The following RBPJ variants were observed in gnomAD, a reference collection of about 807,000 sequenced individuals.
The protein encoded by RBPJ is recombining binding protein suppressor of hairless.
In RBPJ, 9 loss-of-function variants were observed where a neutral mutation model predicts 67.8. The observed-to-expected ratio is 0.13, with a 90% CI of 0.08 to 0.23. The LOEUF (loss-of-function observed/expected upper bound fraction) is 0.23, where lower values mean the gene tolerates loss of function less well. RBPJ is among the 10% of genes least tolerant of loss of function. The pLI, the probability that RBPJ is intolerant of heterozygous loss-of-function variation, is 1.00. For synonymous variants in RBPJ, 198 were observed against 203.3 expected (o/e 0.97, Z 0.22); for missense variants, 305 against 595.6 (o/e 0.51, Z 5.08).
At chr4:26,125,307 A>G in the RBPJ span, among the ~76,000 whole-genome samples, 3 of 152,198 alleles carry the variant, frequency 2.0e-5, no homozygotes, top group Non-Finnish European at 2.9e-5. Context: ...CCTCTCCACC[A>G]CACATACTTT....
chr4:26,277,375 G>C (rs1721119538), intron 1 of RBPJ, among the ~76,000 whole-genome samples: 2 of 151,716 alleles, frequency 1.3e-5, no homozygotes, highest in Admixed American at 6.6e-5. Context: ...TTCAGCATTT[G>C]TGGAATTCCT....
At chr4:26,415,355 T>G (rs770097127) in intron 3 of RBPJ, 120 bp from the exon 4 acceptor site, 10 of 871,600 alleles carry the variant, frequency 1.1e-5, no homozygotes, top group Non-Finnish European at 1.7e-5. Flanking sequence ...AAATTTTTCA[T>G]TGGGGAATAG....
At chr4:26,200,631 A>G (rs1448358731) in intron 1 of RBPJ, among the ~76,000 whole-genome samples, 1 of 151,896 alleles carries the variant, frequency 6.6e-6, no homozygotes, top group African/African-American at 2.4e-5. Flanking sequence ...TGACTGCATC[A>G]CTGCACTCCA....
At chr4:26,240,703 A>G (rs931234900) in intron 1 of RBPJ, among the ~76,000 whole-genome samples, 5 of 152,160 alleles carry the variant, frequency 3.3e-5, no homozygotes, top group Non-Finnish European at 7.3e-5. Flanking sequence ...GTTTAATGTT[A>G]GATAGACCTT....
chr4:26,218,669 A>G (rs1016482824), intron 1 of RBPJ, among the ~76,000 whole-genome samples: 129 of 151,718 alleles, frequency 8.5e-4, no homozygotes, highest in Non-Finnish European at 7.8e-4. Flanking sequence ...CTCCTGCCAT[A>G]CCCCCTCGGC....
chr4:26,117,850 A>G, the RBPJ span, among the ~76,000 whole-genome samples: 3 of 152,176 alleles, frequency 2.0e-5, no homozygotes, highest in African/African-American at 7.2e-5. Context: ...AGATGTGGAC[A>G]TAACTGCTTA....
chr4:26,316,729 G>A (rs1044360476), upstream of RBPJ, among the ~76,000 whole-genome samples: 16 of 137,264 alleles, frequency 1.2e-4, no homozygotes, highest in Non-Finnish European at 2.2e-4. Context: ...ACACATATCC[G>A]GCTAGTGGTG....
intron 1 of RBPJ, chr4:26,368,124 A>T (rs1164934607): frequency 6.6e-6 from 1 of 152,134 alleles, no homozygotes; most frequent in Non-Finnish European, 1.5e-5. Flanking sequence ...AAGATAAATA[A>T]CCTCTCCCAA....
intron 2 of RBPJ, among the ~76,000 whole-genome samples, chr4:26,403,323 T>C (rs1053529565): frequency 6.6e-6 from 1 of 152,062 alleles, no homozygotes; most frequent in Non-Finnish European, 1.5e-5. Flanking sequence ...GGTTTAATCA[T>C]AATGAATAAC....
At position 26,216,809 on chromosome 4, in the gene RBPJ, C is replaced by T. The variant is rs190883507; in HGVS notation, c.-167+53195C>T. On this transcript the variant is annotated intron_variant, in intron 1 of 4. Coordinates refer to the RBPJ transcript ENST00000512351. ...GTGTGGTGGTGCACACCTGCAGTCC[C>T]GGCTACTTGGCAGGCTGAGGTGAGA... Among the ~76,000 whole-genome samples, 1,042 of 152,150 alleles carry T rather than the reference C, an allele frequency of 6.8e-3. 7 individuals are homozygous for T. Among genetic ancestry groups the T allele is most frequent in the Middle Eastern group, 0.017 (5 of 294 alleles).
chr4:26,206,415 G>A (rs1006760929), intron 1 of RBPJ, among the ~76,000 whole-genome samples: 1 of 152,132 alleles, frequency 6.6e-6, no homozygotes, highest in African/African-American at 2.4e-5. Context: ...AGCTCACTGT[G>A]GTGCTCTGCT....
chr4:26,180,048 T>G (rs533561895), intron 1 of RBPJ, among the ~76,000 whole-genome samples: 1 of 152,236 alleles, frequency 6.6e-6, no homozygotes, highest in African/African-American at 2.4e-5. Flanking sequence ...TGGAGTCAAT[T>G]TTTCTTAGCA....
At chr4:26,225,419 G>A (rs901010954) in intron 1 of RBPJ, among the ~76,000 whole-genome samples, 1 of 152,194 alleles carries the variant, frequency 6.6e-6, no homozygotes, top group Non-Finnish European at 1.5e-5. Context: ...AAATAATGGA[G>A]ACAGTAAAAA....
intron 1 of RBPJ, among the ~76,000 whole-genome samples, chr4:26,360,589 T>C (rs571748337): frequency 7.6e-4 from 86 of 113,700 alleles, no homozygotes; most frequent in African/African-American, 2.8e-3. Context: ...GACAGTTTCA[T>C]AGGTGCTTTT....
intron 1 of RBPJ, among the ~76,000 whole-genome samples, chr4:26,257,781 C>G (rs1435192998): frequency 2.6e-5 from 4 of 152,178 alleles, no homozygotes; most frequent in Admixed American, 2.0e-4. Context: ...CATCCCCTGC[C>G]TTCTTGATAC....
At chr4:26,110,926 C>T in the RBPJ span, among the ~76,000 whole-genome samples, 1 of 152,148 alleles carries the variant, frequency 6.6e-6, no homozygotes, top group Non-Finnish European at 1.5e-5. The surrounding 1 kb of genome is among the most constrained non-coding windows in gnomAD (Gnocchi z 4.5). Flanking sequence ...AACTTATTCC[C>T]AATATTTTGT....
At chr4:26,148,868 A>T in the RBPJ span, among the ~76,000 whole-genome samples, 2 of 152,332 alleles carry the variant, frequency 1.3e-5, no homozygotes, top group African/African-American at 4.8e-5. Context: ...GATGCTCTGA[A>T]ACTGAGCAAT....
chr4:26,356,393 AAGT>A (rs1211481872), intron 1 of RBPJ, among the ~76,000 whole-genome samples: 3 of 152,306 alleles, frequency 2.0e-5, no homozygotes, highest in Non-Finnish European at 2.9e-5. Context: ...GGGAGTGAGA[AAGT>A]AGGAGAGTGA....
chr4:26,274,389 A>C (rs146518493), intron 1 of RBPJ, among the ~76,000 whole-genome samples: 98 of 152,372 alleles, frequency 6.4e-4, no homozygotes, highest in Admixed American at 1.2e-3. Flanking sequence ...GCAGTCCAAG[A>C]GGCTGAGGCA....
Sources: gnomAD v4.1 joint callset for allele counts (sites outside exome capture counted in the v4.1 genomes callset) on GRCh38, gnomAD v4.1.1 for gene constraint, Gnocchi (gnomAD v3.1) non-coding constraint, MANE v1.5 for transcripts, NCBI Gene and HGNC (gene_info 2026-07-23, HGNC 2026-07-21) for gene names.